Variants in ANKS1A observed in about 807,000 individuals in gnomAD.
ANKS1A encodes ankyrin repeat and sterile alpha motif domain containing 1A.
ANKS1A carries 55 observed loss-of-function variants against 120.3 expected under a neutral mutation model. That is an observed-to-expected ratio of 0.46 (90% CI 0.37 to 0.57). The LOEUF (loss-of-function observed/expected upper bound fraction) is 0.57. Among genes scored for constraint, ANKS1A ranks in the 20% least tolerant of loss-of-function variants. ANKS1A has a pLI of 0.00. For synonymous variants in ANKS1A, 590 were observed against 604.7 expected (o/e 0.98, Z 0.36); for missense variants, 1,123 against 1,480.3 (o/e 0.76, Z 3.96).
chr6:35,064,643 G>A (rs915316060), intron 13 of ANKS1A, among the ~76,000 whole-genome samples: 2 of 152,178 alleles, frequency 1.3e-5, no homozygotes, highest in South Asian at 2.1e-4. Context: ...CCAGCTTCAC[G>A]TGAACAGTGG....
chr6:35,022,152 G>A (rs1469020412), intron 11 of ANKS1A, among the ~76,000 whole-genome samples: 5 of 152,188 alleles, frequency 3.3e-5, no homozygotes, highest in Admixed American at 3.3e-4. Flanking sequence ...GAGAAAGTCA[G>A]GCAGGCACCT....
intron 1 of ANKS1A, among the ~76,000 whole-genome samples, chr6:34,958,374 G>A (rs758778663): frequency 3.4e-4 from 52 of 152,092 alleles, no homozygotes; most frequent in Non-Finnish European, 6.9e-4. Flanking sequence ...TACACTGCAT[G>A]AAGGTGTTTA....
At chr6:34,979,716 A>T (rs1443553266) in intron 3 of ANKS1A, among the ~76,000 whole-genome samples, 1 of 152,172 alleles carries the variant, frequency 6.6e-6, no homozygotes, top group African/African-American at 2.4e-5. Context: ...GATATAAAAG[A>T]GACAGTAGTA....
Position 35,079,546 on chromosome 6 carries a change from C to T in ANKS1A, c.2314C>T (p.Pro772Ser). ...VKALGYDGNS[P>S]PSVPSWLDSL... Reference sequence around the variant, plus strand: ...GGCTCTGGGTTATGACGGGAACAGCCCCCCTAGCGTGCCCTCCTGGCTGGA... The same window carrying T: ...GGCTCTGGGTTATGACGGGAACAGCTCCCCTAGCGTGCCCTCCTGGCTGGA... Residue 772 changes from proline to serine, a missense_variant, in exon 15 of 24, where the codon CCC (proline) becomes TCC (serine). Pro to Ser is a moderately conservative substitution (Grantham distance 74, BLOSUM62 -1). Coordinates refer to ENST00000360359, the MANE Select transcript of ANKS1A (RefSeq NM_015245.3). 1 of 1,613,750 alleles carries T rather than the reference C, an allele frequency of 6.2e-7. No homozygotes were observed. Among genetic ancestry groups the T allele is most frequent in the Non-Finnish European group, 8.5e-7 (1 of 1,179,788 alleles).
At chr6:34,896,851 C>G (rs532294546) in intron 1 of ANKS1A, among the ~76,000 whole-genome samples, 1 of 152,030 alleles carries the variant, frequency 6.6e-6, no homozygotes, top group Non-Finnish European at 1.5e-5. Flanking sequence ...GTAATCCCAG[C>G]TACTTGGGAG....
rs796663574 is a variant in ANKS1A at position 34,916,263 on chromosome 6, G to C, written c.197+26664G>C. 3.3e-5 allele frequency among the ~76,000 whole-genome samples: 5 copies of C among 152,210 alleles called. 1 individual carries two copies. Among genetic ancestry groups the C allele is most frequent in the African/African-American group, 1.2e-4 (5 of 41,540 alleles). On this transcript the variant is annotated intron_variant, in intron 1 of 23. Coordinates refer to ENST00000360359, the MANE Select transcript of ANKS1A (RefSeq NM_015245.3). ...CTGCCTCGGCCTCCTAAAGTGCTGG[G>C]ATTACAGGCATGAGCCACTGCGCCC...
intron 1 of ANKS1A, among the ~76,000 whole-genome samples, chr6:34,955,775 T>G (rs1770333263): frequency 6.6e-6 from 1 of 152,194 alleles, no homozygotes; most frequent in Non-Finnish European, 1.5e-5. Flanking sequence ...TCCATTCTCT[T>G]TTTATACTTG....
intron 1 of ANKS1A, among the ~76,000 whole-genome samples, chr6:34,952,211 C>T (rs969233215): frequency 1.3e-5 from 2 of 152,164 alleles, no homozygotes; most frequent in African/African-American, 4.8e-5. Context: ...AGTGGGTTAT[C>T]TAATCCACTT....
At chr6:35,079,330 T>A (rs1252792955) in intron 14 of ANKS1A, among the ~76,000 whole-genome samples, 186 bp from the exon 15 acceptor site, 1 of 151,916 alleles carries the variant, frequency 6.6e-6, no homozygotes, top group Non-Finnish European at 1.5e-5. Flanking sequence ...GCCTTCCCCA[T>A]GGGGAAGCCG....
At chr6:35,036,587 GT>G (rs1411314820) in intron 11 of ANKS1A, among the ~76,000 whole-genome samples, 1 of 152,226 alleles carries the variant, frequency 6.6e-6, no homozygotes, top group East Asian at 1.9e-4. Flanking sequence ...TTGTTTAACA[GT>G]TATGTTAACT....
In ANKS1A at chr6:35,084,285, G is replaced by C; in HGVS notation, c.3132+27G>C. On this transcript the variant is annotated intron_variant, in intron 21 of 23. Transcript: ENST00000360359. This position sits in a 1 kb window ranked among gnomAD's most constrained non-coding sequence, Gnocchi z 4.8. ...TGGGTGGGGTCCTGGGGCCGGGTGGGGCAGGCTTGGGTTGCAGCCCTGAGG... is the reference window on the plus strand; with the variant it reads ...TGGGTGGGGTCCTGGGGCCGGGTGGCGCAGGCTTGGGTTGCAGCCCTGAGG... 1 of 1,611,500 alleles carries C rather than the reference G, an allele frequency of 6.2e-7. No individual in the cohort carries two copies. The highest frequency in any genetic ancestry group is 1.1e-5 in the South Asian group (1 of 90,864).
At position 35,060,165 on chromosome 6, in the gene ANKS1A, A is replaced by G; in HGVS notation, c.2096A>G (p.Gln699Arg). The change falls in exon 13 of 24, where the codon CAG becomes CGG. Residue 699 changes from glutamine (Q) to arginine (R), a missense_variant. By Grantham distance (43) the Gln-to-Arg change is conservative. Transcript: ENST00000360359. The surrounding 1 kb of genome is among the most constrained non-coding windows in gnomAD (Gnocchi z 4.5). ...QKISGLRTLEQSVGEWLESIG... is the reference protein window; with the variant it reads ...QKISGLRTLERSVGEWLESIG... Reference sequence around the variant, plus strand: ...TCATCAGGTTTACGGACGCTGGAGCAGAGTGTCGGGGAGTGGCTGGAGTCG... The same window carrying G: ...TCATCAGGTTTACGGACGCTGGAGCGGAGTGTCGGGGAGTGGCTGGAGTCG... The G allele has an allele frequency of 6.2e-7, 1 of 1,613,722 alleles. No individual in the cohort carries two copies. Among genetic ancestry groups the G allele is most frequent in the Non-Finnish European group, 8.5e-7 (1 of 1,179,898 alleles).
At chr6:35,070,836 G>C (rs1777048824) in intron 13 of ANKS1A, 1 of 569,398 alleles carries the variant, frequency 1.8e-6, no homozygotes, top group African/African-American at 1.9e-5. Flanking sequence ...TTGTGTGTGT[G>C]TGTGTGTGTG....
Position 34,982,802 on chromosome 6 carries a change from T to G in ANKS1A, c.783T>G (p.Asp261Glu). 1 of 1,614,214 alleles carries G rather than the reference T, an allele frequency of 6.2e-7. No individual in the cohort carries two copies. Among genetic ancestry groups the G allele is most frequent in the Non-Finnish European group, 8.5e-7 (1 of 1,180,044 alleles). Reference protein sequence around the residue: ...LHEAALFGKTDVVQILLAAGT... With the variant: ...LHEAALFGKTEVVQILLAAGT... ...AGGCTGCTTTGTTTGGCAAGACCGA[T>G]GTGGTGCAAATCCTGCTGGCTGCAG... The change falls in exon 5 of 24, where the codon GAT becomes GAG. Residue 261 changes from aspartate (D) to glutamate (E), a missense_variant. Coordinates refer to ENST00000360359, the MANE Select transcript of ANKS1A (RefSeq NM_015245.3). This position sits in a 1 kb window ranked among gnomAD's most constrained non-coding sequence, Gnocchi z 4.9.
chr6:34,993,092 A>G (rs1250897808), intron 9 of ANKS1A, among the ~76,000 whole-genome samples: 1 of 152,182 alleles, frequency 6.6e-6, no homozygotes. Flanking sequence ...GTAATACGTT[A>G]CTTGTCCTAG....
Position 34,994,208 on chromosome 6 carries a change from T to A in ANKS1A, c.1303-94T>A, listed in dbSNP as rs541592344. ...TCTCTTTTCCACCTTTCTTCTTTGA[T>A]GAAAAAAGAGCCAATAATCTCGAAT... On this transcript the variant is annotated intron_variant, in intron 9 of 23. Coordinates refer to ENST00000360359, the MANE Select transcript of ANKS1A (RefSeq NM_015245.3). The A allele has an allele frequency of 2.7e-6, 4 of 1,482,602 alleles. No individual in the cohort carries two copies. In the East Asian group the frequency reaches 9.7e-5, roughly 36 times the overall value. 91.8% of individuals were successfully genotyped at this position (1,482,602 alleles called of 1,614,324 possible). A position where few individuals can be genotyped will look rare whatever the true frequency, so the allele number is the denominator to read the frequency against.
At chr6:34,956,248 C>CT (rs1484558207) in intron 1 of ANKS1A, among the ~76,000 whole-genome samples, 1 of 150,888 alleles carries the variant, frequency 6.6e-6, no homozygotes, top group Non-Finnish European at 1.5e-5. Flanking sequence ...TTGTTGTTTG[C>CT]TTTTTTTGTT....
chr6:35,095,731 C>T (rs1300165017), downstream of ANKS1A, among the ~76,000 whole-genome samples: 1 of 151,104 alleles, frequency 6.6e-6, no homozygotes, highest in Admixed American at 6.6e-5. Flanking sequence ...AGACCACAAC[C>T]TTTTGAAAAC....
At chr6:34,969,192 C>T (rs186310274) in intron 2 of ANKS1A, among the ~76,000 whole-genome samples, 8 of 152,288 alleles carry the variant, frequency 5.3e-5, no homozygotes, top group African/African-American at 1.9e-4. Context: ...GCAAGTTCCT[C>T]TTTCTGGGGA....
Sources: allele counts gnomAD v4.1 joint callset (sites outside exome capture counted in the v4.1 genomes callset), GRCh38; gene constraint gnomAD v4.1.1; non-coding constraint Gnocchi (gnomAD v3.1); transcripts MANE v1.5; gene names NCBI Gene and HGNC (gene_info 2026-07-23, HGNC 2026-07-21).